LIN54: variants seen among roughly 807,000 people sequenced by gnomAD.
LIN54 encodes the protein lin-54 DREAM MuvB core complex component.
In LIN54, 9 loss-of-function variants were observed where a neutral mutation model predicts 78.7. The observed-to-expected ratio is 0.11, with a 90% CI of 0.07 to 0.20. The LOEUF is 0.20. LIN54 is among the 10% of genes least tolerant of loss of function. The pLI is 1.00. For synonymous variants in LIN54, 269 were observed against 318.4 expected (o/e 0.84, Z 1.65); for missense variants, 573 against 889.9 (o/e 0.64, Z 4.53).
At chr4:82,981,721 A>G (rs1726667089) in intron 2 of LIN54, among the ~76,000 whole-genome samples, 1 of 152,108 alleles carries the variant, frequency 6.6e-6, no homozygotes, top group African/African-American at 2.4e-5. Context: ...TTTATTAGAT[A>G]GAAACAGGCT....
chr4:82,937,394 C>T (rs1458090057), intron 8 of LIN54, 96 bp from the exon 9 acceptor site: 2 of 701,504 alleles, frequency 2.9e-6, no homozygotes, highest in Non-Finnish European at 4.6e-6. Flanking sequence ...AAAAATTAGA[C>T]CTAAAACTAA....
chr4:82,974,014 T>C (rs2126074935), intron 3 of LIN54, among the ~76,000 whole-genome samples: 1 of 152,058 alleles, frequency 6.6e-6, no homozygotes, highest in East Asian at 1.9e-4. Flanking sequence ...ATTGGGACCA[T>C]CCTGGCTAAC....
chr4:82,951,808 G>GA lies in LIN54; in HGVS notation c.952-5335dup, dbSNP rs774203319. Among the ~76,000 whole-genome samples, 354 of 150,432 alleles carry GA rather than the reference G, an allele frequency of 2.4e-3. 2 individuals carry two copies. The highest frequency in any genetic ancestry group is 0.01 in the Middle Eastern group (3 of 294). The stretch of plus-strand genomic sequence containing the variant: ...ATAGAACAGAATAGAGAGCCCTAAG[G>GA]AAAAAAAAATCCCATTTATGATCAA... On this transcript the variant is annotated intron_variant, in intron 4 of 12. Transcript: ENST00000340417.
chr4:82,962,530 A>T (rs1202979981), intron 4 of LIN54, among the ~76,000 whole-genome samples: 2 of 152,184 alleles, frequency 1.3e-5, no homozygotes, highest in African/African-American at 4.8e-5. Context: ...TGATTAATTA[A>T]TCAAGCTAGT....
intron 1 of LIN54, among the ~76,000 whole-genome samples, chr4:82,991,444 A>C (rs7691339): frequency 0.77 from 116,660 of 152,086 alleles, 45,034 homozygotes; most frequent in Admixed American, 0.81. Context: ...AGATGACTTA[A>C]GATTTTCTAT....
chr4:82,998,214 A>G (rs1254339769), intron 1 of LIN54, among the ~76,000 whole-genome samples: 5 of 151,664 alleles, frequency 3.3e-5, no homozygotes, highest in African/African-American at 9.7e-5. Context: ...ATACCACCAC[A>G]TTACAGATGA....
chr4:82,991,246 A>T (rs1727675859), intron 1 of LIN54, among the ~76,000 whole-genome samples: 1 of 151,534 alleles, frequency 6.6e-6, no homozygotes, highest in Admixed American at 6.6e-5. Context: ...CTTTAAGTAT[A>T]TAGGTCTTAT....
chr4:83,005,969 G>A (rs1384905474), intron 1 of LIN54, among the ~76,000 whole-genome samples: 2 of 152,154 alleles, frequency 1.3e-5, no homozygotes, highest in South Asian at 2.1e-4. Context: ...GAAAGAAACC[G>A]TGTCCTTTGA....
chr4:83,003,266 C>G (rs1208049508), intron 1 of LIN54: 1 of 152,164 alleles, frequency 6.6e-6, no homozygotes, highest in South Asian at 2.1e-4. Flanking sequence ...CCGCCCAGCT[C>G]GGTCTCCCAA....
Position 82,928,069 on chromosome 4 carries a change from T to C in LIN54, c.*33A>G, listed in dbSNP as rs775739561. The stretch of plus-strand genomic sequence containing the variant: ...GTGTCCCTGCACCTTAAATTTTCTG[T>C]ACAGTTCCATTTATCAGTCTTTTGT... On this transcript the variant is annotated 3_prime_UTR_variant, in exon 13 of 13. Coordinates refer to ENST00000340417, the MANE Select transcript of LIN54 (RefSeq NM_194282.4). The C allele has an allele frequency of 6.3e-7, 1 of 1,587,118 alleles. No homozygotes were observed. Among genetic ancestry groups the C allele is most frequent in the Admixed American group, 1.7e-5 (1 of 59,998 alleles).
Position 82,984,206 on chromosome 4 carries a change from T to C in LIN54, c.639A>G (p.Thr213=). The part of the protein sequence containing the change: ...LTPGSQLINT[T]TQPSVLQTQQ... ...GGGTCTGTAACACAGAGGGCTGAGT[T>C]GTAGTATTAATCAGTTGACTTCCTG... Residue 213 remains threonine, a synonymous_variant, in exon 2 of 13, where the codon ACA becomes ACG. Coordinates refer to ENST00000340417, the MANE Select transcript of LIN54 (RefSeq NM_194282.4). The C allele has an allele frequency of 6.2e-7, 1 of 1,614,102 alleles. No homozygotes were observed.
At position 82,942,866 on chromosome 4, in the gene LIN54, A is replaced by G. The variant is rs1485147020; in HGVS notation, c.1169-2904T>C. Among the ~76,000 whole-genome samples the G allele has an allele frequency of 7.6e-3, 584 of 76,736 alleles. 4 individuals carry two copies. The highest frequency in any genetic ancestry group is 0.056 in the African/African-American group (438 of 7,768). The allele number at this position is 76,736 out of a possible 152,430, so 50.3% of individuals were successfully genotyped here. ...AATGTGTGCGTGTGCGCGCGCACACACACACACACACACACACACACACAC... is the reference window on the plus strand; with the variant it reads ...AATGTGTGCGTGTGCGCGCGCACACGCACACACACACACACACACACACAC... On this transcript the variant is annotated intron_variant, in intron 5 of 12. Coordinates refer to ENST00000340417, the MANE Select transcript of LIN54 (RefSeq NM_194282.4).
Position 82,931,081 on chromosome 4 carries a change from T to C in LIN54, c.1910A>G (p.Glu637Gly), listed in dbSNP as rs1466996152. 6.2e-7 allele frequency: 1 copy of C among 1,614,204 alleles called. No individual in the cohort carries two copies. Among genetic ancestry groups the C allele is most frequent in the Non-Finnish European group, 8.5e-7 (1 of 1,180,036 alleles). The change falls in exon 12 of 13, where the codon GAA (glutamate) becomes GGA (glycine). Residue 637 changes from glutamate (E) to glycine (G), a missense_variant. By Grantham distance (98) the Glu-to-Gly change is moderately conservative. Around this residue, in one of 6 missense-constraint regions of LIN54, gnomAD observed 82 missense variants for 140.8 expected, o/e 0.58. Coordinates refer to ENST00000340417, the MANE Select transcript of LIN54 (RefSeq NM_194282.4). The stretch of plus-strand genomic sequence containing the variant: ...TGCCAAATGCATCAATGTCTTCCTT[T>C]CCGGGCTTTCTTCAAAATTCTTACA... ...IGCKNFEESP[E>G]RKTLMHLADA...
intron 8 of LIN54, 40 bp downstream of exon 8, chr4:82,938,373 C>T (rs1300877495): frequency 9.1e-7 from 1 of 1,097,532 alleles, no homozygotes; most frequent in South Asian, 1.3e-5. Context: ...TGCATTTAAG[C>T]TGATCTAACA....
chr4:83,012,608 G>C (rs1729922297), upstream of LIN54, among the ~76,000 whole-genome samples: 1 of 152,036 alleles, frequency 6.6e-6, no homozygotes, highest in Non-Finnish European at 1.5e-5. Flanking sequence ...CCGCAACCCA[G>C]CTTCAGGGAA....
chr4:82,945,227 A>G (rs1723261760), intron 5 of LIN54, among the ~76,000 whole-genome samples: 2 of 152,334 alleles, frequency 1.3e-5, no homozygotes, highest in Middle Eastern at 3.4e-3. Flanking sequence ...CTTTCGATAA[A>G]CAATATATCA....
intron 11 of LIN54, among the ~76,000 whole-genome samples, chr4:82,933,056 T>A (rs1722100705): frequency 6.6e-6 from 1 of 151,890 alleles, no homozygotes; most frequent in South Asian, 2.1e-4. Flanking sequence ...TCCTTTCTTA[T>A]AAGACACCAA....
intron 1 of LIN54, among the ~76,000 whole-genome samples, chr4:83,007,469 A>G (rs2126116641): frequency 6.6e-6 from 1 of 152,318 alleles, no homozygotes; most frequent in South Asian, 2.1e-4. Context: ...AACATCTCTG[A>G]GCTTCATTTA....
intron 4 of LIN54, among the ~76,000 whole-genome samples, chr4:82,967,813 C>T (rs1374061461): frequency 2.6e-5 from 4 of 152,170 alleles, no homozygotes; most frequent in African/African-American, 9.7e-5. Context: ...CAAACAAAAC[C>T]TTGTCCTTTC....
Sources: gnomAD v4.1 joint callset for allele counts (sites outside exome capture counted in the v4.1 genomes callset) on GRCh38, gnomAD v4.1.1 for gene constraint, gnomAD v4.1.1 regional missense constraint, MANE v1.5 for transcripts, NCBI Gene and HGNC (gene_info 2026-07-23, HGNC 2026-07-21) for gene names.